The following PCDH9 variants were observed in gnomAD, a reference collection of about 807,000 sequenced individuals.
PCDH9 encodes the protein protocadherin-9.
Under a neutral mutation model 70.6 loss-of-function variants are expected in PCDH9, and 24 were observed. The ratio of observed to expected loss-of-function variants is 0.34; its 90% CI spans 0.25 to 0.48. The LOEUF is 0.48. Among genes scored for constraint, PCDH9 ranks in the 20% least tolerant of loss-of-function variants. The pLI is 0.99. For missense variants in PCDH9, 1,281 were observed against 1,503.6 expected (o/e 0.85, Z 2.45); for synonymous variants, 562 against 558.5 (o/e 1.01, Z -0.09).
chr13:66,483,913 G>A (rs1297246795), intron 4 of PCDH9, among the ~76,000 whole-genome samples: 1 of 151,982 alleles, frequency 6.6e-6, no homozygotes, highest in African/African-American at 2.4e-5. Context: ...ATGGGCAGAA[G>A]ACACAAGGTG....
intron 3 of PCDH9, among the ~76,000 whole-genome samples, chr13:66,716,665 T>C (rs552510219): frequency 6.6e-6 from 1 of 152,310 alleles, no homozygotes; most frequent in South Asian, 2.1e-4. Flanking sequence ...GGATGGGCAA[T>C]GTCAATATTT....
chr13:67,010,027 C>T (rs536500795), intron 2 of PCDH9, among the ~76,000 whole-genome samples: 1 of 151,836 alleles, frequency 6.6e-6, no homozygotes, highest in African/African-American at 2.4e-5. Context: ...AACTGATGTT[C>T]AGGAAATGTG....
At chr13:66,350,112 G>C (rs1263105562) in intron 4 of PCDH9, among the ~76,000 whole-genome samples, 1 of 152,092 alleles carries the variant, frequency 6.6e-6, no homozygotes, top group Non-Finnish European at 1.5e-5. Context: ...ACAGCTTCCA[G>C]TTCTGACCTA....
rs112100053 is a variant in PCDH9 at position 66,715,303 on chromosome 13, A to T, written c.3139-83892T>A. Among the ~76,000 whole-genome samples the T allele has an allele frequency of 9.3e-3, 1,421 of 152,196 alleles. 20 individuals carry two copies. The highest frequency in any genetic ancestry group is 0.032 in the African/African-American group (1,341 of 41,520). On this transcript the variant is annotated intron_variant, in intron 3 of 4. Transcript: ENST00000377865. Reference sequence around the variant, plus strand: ...TGAGTAAATTTTTCTTTCAATTCTAAATGTTAATGTACTTCATTAAAGTGA... The same window carrying T: ...TGAGTAAATTTTTCTTTCAATTCTATATGTTAATGTACTTCATTAAAGTGA...
chr13:66,411,443 C>T (rs745364100), intron 4 of PCDH9, among the ~76,000 whole-genome samples: 1 of 152,170 alleles, frequency 6.6e-6, no homozygotes, highest in Non-Finnish European at 1.5e-5. Context: ...CATCCCACCA[C>T]ATCCAGCTAA....
chr13:67,129,097 C>T (rs1366048067), intron 2 of PCDH9, among the ~76,000 whole-genome samples: 1 of 152,076 alleles, frequency 6.6e-6, no homozygotes, highest in Non-Finnish European at 1.5e-5. Flanking sequence ...TGTAACATTA[C>T]TACTTATCGG....
intron 2 of PCDH9, among the ~76,000 whole-genome samples, chr13:66,994,967 A>G (rs2084082084): frequency 1.3e-5 from 2 of 152,186 alleles, no homozygotes; most frequent in South Asian, 4.1e-4. Context: ...TTTACGGAAC[A>G]TGCCTGCAAT....
At chr13:67,177,004 A>G (rs575888995) in intron 2 of PCDH9, among the ~76,000 whole-genome samples, 3 of 152,194 alleles carry the variant, frequency 2.0e-5, no homozygotes, top group East Asian at 1.9e-4. Flanking sequence ...TTTTCAAACA[A>G]TGGAAGCAAT....
At chr13:66,500,915 A>T (rs1959173828) in intron 4 of PCDH9, among the ~76,000 whole-genome samples, 1 of 152,076 alleles carries the variant, frequency 6.6e-6, no homozygotes, top group African/African-American at 2.4e-5. Context: ...CCACATAGCA[A>T]TTTTTTATTT....
At chr13:66,844,533 C>T (rs1268802161) in intron 3 of PCDH9, among the ~76,000 whole-genome samples, 3 of 149,860 alleles carry the variant, frequency 2.0e-5, no homozygotes, top group South Asian at 2.1e-4. Flanking sequence ...TGCAGTGAGC[C>T]GAGATCGTGC....
intron 4 of PCDH9, among the ~76,000 whole-genome samples, chr13:66,362,568 T>A (rs1451365548): frequency 2.0e-5 from 3 of 152,168 alleles, no homozygotes; most frequent in Admixed American, 1.3e-4. Flanking sequence ...CTACTGGACA[T>A]ATTTTTTATG....
chr13:66,988,863 T>C lies in PCDH9; in HGVS notation c.3037-85258A>G, dbSNP rs1566344655. On this transcript the variant is annotated intron_variant, in intron 2 of 4. Coordinates refer to ENST00000377865, the MANE Select transcript of PCDH9 (RefSeq NM_203487.3). The stretch of plus-strand genomic sequence containing the variant: ...TTGCTACTCTTTATCCAGAGCGTTA[T>C]TACTGATTGCGATTACAGAAGACTA... Among the ~76,000 whole-genome samples, 3 of 152,110 alleles carry C rather than the reference T, an allele frequency of 2.0e-5. No homozygotes were observed. The East Asian group carries it at 5.8e-4, about 29-fold the overall frequency.
At position 66,705,165 on chromosome 13, in the gene PCDH9, C is replaced by G. The variant is rs199782749; in HGVS notation, c.3139-73754G>C. Among the ~76,000 whole-genome samples the G allele has an allele frequency of 1.8e-4, 27 of 152,158 alleles. No homozygotes were observed. The East Asian group carries it at 3.7e-3, about 21-fold the overall frequency. ...TATGGAAGAGATAACTCAGTTCCTT[C>G]TATTCCTGAAAATAAATAAGATTTC... On this transcript the variant is annotated intron_variant, in intron 3 of 4. Coordinates refer to ENST00000377865, the MANE Select transcript of PCDH9 (RefSeq NM_203487.3).
intron 2 of PCDH9, among the ~76,000 whole-genome samples, chr13:67,061,237 T>C (rs901855539): frequency 7.2e-5 from 11 of 152,108 alleles, no homozygotes; most frequent in Non-Finnish European, 1.3e-4. Context: ...AGTTGAGAGA[T>C]ACTTCTGGAG....
chr13:66,983,675 C>CT (rs1016111777), intron 2 of PCDH9, among the ~76,000 whole-genome samples: 4 of 151,926 alleles, frequency 2.6e-5, no homozygotes, highest in Middle Eastern at 6.8e-3. Flanking sequence ...TAAACTCACT[C>CT]TTTTTTAAAA....
At chr13:67,222,683 C>T (rs1395370917) in intron 2 of PCDH9, 6 of 152,106 alleles carry the variant, frequency 3.9e-5, no homozygotes, top group Admixed American at 3.9e-4. Flanking sequence ...CTAAAATCTT[C>T]ACAGATTGTA....
At chr13:66,486,478 T>TA (rs201894528) in intron 4 of PCDH9, among the ~76,000 whole-genome samples, 4 of 150,112 alleles carry the variant, frequency 2.7e-5, no homozygotes, top group Non-Finnish European at 5.9e-5. Flanking sequence ...AAAATAAAAA[T>TA]AAAAAAAATT....
chr13:66,709,028 G>C (rs1036344280), intron 3 of PCDH9, among the ~76,000 whole-genome samples: 1 of 152,166 alleles, frequency 6.6e-6, no homozygotes, highest in African/African-American at 2.4e-5. Flanking sequence ...AATTGAGATT[G>C]AAAGCTTTAG....
At chr13:66,902,472 A>T (rs1424348100) in intron 3 of PCDH9, among the ~76,000 whole-genome samples, 3 of 151,636 alleles carry the variant, frequency 2.0e-5, no homozygotes, top group African/African-American at 7.3e-5. Flanking sequence ...GGCAAAAGCA[A>T]TAATTATTAC....
Sources: gnomAD v4.1 joint callset for allele counts (sites outside exome capture counted in the v4.1 genomes callset) on GRCh38, gnomAD v4.1.1 for gene constraint, MANE v1.5 for transcripts, NCBI Gene and HGNC (gene_info 2026-07-23, HGNC 2026-07-21) for gene names.